The following GLS variants were observed in gnomAD, a reference collection of about 807,000 sequenced individuals.
The protein encoded by GLS is glutaminase.
Under a neutral mutation model 86.7 loss-of-function variants are expected in GLS, and 36 were observed. That is an observed-to-expected ratio of 0.42 (90% CI 0.32 to 0.55). The LOEUF (loss-of-function observed/expected upper bound fraction) is 0.55, where lower values mean the gene tolerates loss of function less well. Ranked by LOEUF, GLS falls within the 20% of genes least tolerant of loss-of-function variation. GLS has a pLI of 0.17. For synonymous variants in GLS, 317 were observed against 305.9 expected (o/e 1.04, Z -0.38); for missense variants, 528 against 833.4 (o/e 0.63, Z 4.51).
rs755160834 is a variant in GLS, at chr2:190,914,216, A to G, written c.1038+3895A>G. On this transcript the variant is annotated intron_variant, in intron 7 of 17. Coordinates refer to ENST00000320717, the MANE Select transcript of GLS (RefSeq NM_014905.5). The surrounding 1 kb of genome is among the most constrained non-coding windows in gnomAD (Gnocchi z 4.4). ...TTTCTTTCTCTTTAAACAATTTGTAATCATACTCATTGAAAATCAAGACAA... is the reference window on the plus strand; with the variant it reads ...TTTCTTTCTCTTTAAACAATTTGTAGTCATACTCATTGAAAATCAAGACAA... Among the ~76,000 whole-genome samples, 2 of 152,076 alleles carry G rather than the reference A, an allele frequency of 1.3e-5. No individual in the cohort carries two copies. Among genetic ancestry groups the G allele is most frequent in the Non-Finnish European group, 2.9e-5 (2 of 68,028 alleles).
chr2:190,931,431 G>A (rs1415691149), intron 13 of GLS, 114 bp from the exon 14 acceptor site: 4 of 486,360 alleles, frequency 8.2e-6, no homozygotes, highest in Non-Finnish European at 1.5e-5. Flanking sequence ...TACTTTATTA[G>A]CATGTAGTGA....
At chr2:190,957,694 T>C (rs1304108714) in intron 17 of GLS, among the ~76,000 whole-genome samples, 1 of 152,252 alleles carries the variant, frequency 6.6e-6, no homozygotes, top group Non-Finnish European at 1.5e-5. Flanking sequence ...GTTCTGTTTA[T>C]GTGATGGATT....
chr2:190,926,320 G>A (rs1025664537), intron 11 of GLS, among the ~76,000 whole-genome samples: 3 of 152,232 alleles, frequency 2.0e-5, no homozygotes, highest in Admixed American at 2.0e-4. Context: ...CGATTCTGTC[G>A]TTTTTGAGAA....
intron 14 of GLS, among the ~76,000 whole-genome samples, chr2:190,952,093 T>C (rs1187025654): frequency 2.0e-5 from 3 of 152,180 alleles, no homozygotes; most frequent in African/African-American, 7.2e-5. Flanking sequence ...ATGTATCGGA[T>C]TGAGGTGTAG....
chr2:190,907,146 G>A (rs1431947721), intron 6 of GLS, among the ~76,000 whole-genome samples: 3 of 151,972 alleles, frequency 2.0e-5, no homozygotes, highest in South Asian at 4.2e-4. Context: ...GGATGGTCTC[G>A]ATCTCCTGAC....
intron 7 of GLS, among the ~76,000 whole-genome samples, chr2:190,918,205 A>G (rs1005386796): frequency 6.6e-6 from 1 of 152,220 alleles, no homozygotes; most frequent in African/African-American, 2.4e-5. Context: ...TCATCTTTCA[A>G]TAAAAGGCTG....
In GLS at chr2:190,913,503, G is replaced by A; in HGVS notation, c.1038+3182G>A. 1 of 987,198 alleles carries A rather than the reference G, an allele frequency of 1.0e-6. No homozygotes were observed. Among genetic ancestry groups the A allele is most frequent in the African/African-American group, 1.8e-5 (1 of 56,968 alleles). 61.2% of individuals were successfully genotyped at this position (987,198 alleles called of 1,614,324 possible). A position where few individuals can be genotyped will look rare whatever the true frequency, so the allele number is the denominator to read the frequency against. Reference sequence around the variant, plus strand: ...AAAGGAATACTTTTTGTTGTAATCTGTTTTATTTGGGATTGTGATAATGTG... The same window carrying A: ...AAAGGAATACTTTTTGTTGTAATCTATTTTATTTGGGATTGTGATAATGTG... On this transcript the variant is annotated intron_variant, in intron 7 of 17. Coordinates refer to ENST00000320717, the MANE Select transcript of GLS (RefSeq NM_014905.5). The surrounding 1 kb of genome is among the most constrained non-coding windows in gnomAD (Gnocchi z 6.1).
Position 190,880,902 on chromosome 2 carries a change from A to AGCAGCAGCAGCAGCACCC in GLS, c.-168_-167insCCCGCAGCAGCAGCAGCA, listed in dbSNP as rs1553572189. 8.3e-5 allele frequency: 75 copies of AGCAGCAGCAGCAGCACCC among 904,110 alleles called. 10 individuals carry two copies. The highest frequency in any genetic ancestry group is 1.2e-4 in the Non-Finnish European group (72 of 588,378). 56.0% of individuals were successfully genotyped at this position (904,110 alleles called of 1,614,324 possible). On this transcript the variant is annotated 5_prime_UTR_variant, in exon 1 of 18. Transcript: ENST00000320717. Reference sequence around the variant, plus strand: ...CAGCAGCAGCAGCAGCAGCAGCAGCAGCAGCAGCAGCAGCAGCACCCGCAT... The same window carrying AGCAGCAGCAGCAGCACCC: ...CAGCAGCAGCAGCAGCAGCAGCAGCAGCAGCAGCAGCAGCACCCGCAGCAGCAGCAGCAGCACCCGCAT...
intron 1 of GLS, 160 bp downstream of exon 1, chr2:190,881,630 CCGG>C: frequency 1.6e-6 from 1 of 628,778 alleles, no homozygotes; most frequent in Non-Finnish European, 2.5e-6. Context: ...GTGATTAGGC[CCGG>C]CCCCGCCCGC....
chr2:190,922,371 G>T (rs1415188723), intron 9 of GLS, among the ~76,000 whole-genome samples: 1 of 152,050 alleles, frequency 6.6e-6, no homozygotes. Flanking sequence ...CATTTCAGGG[G>T]TAAACATTTT....
chr2:190,957,424 G>A (rs1690886974), intron 17 of GLS, among the ~76,000 whole-genome samples: 1 of 152,158 alleles, frequency 6.6e-6, no homozygotes, highest in Non-Finnish European at 1.5e-5. Flanking sequence ...GATTGTCCTA[G>A]CCAGAACTGC....
chr2:190,900,841 T>G, intron 4 of GLS, 148 bp downstream of exon 4: 1 of 503,884 alleles, frequency 2.0e-6, no homozygotes, highest in Non-Finnish European at 3.5e-6. Context: ...GCCACTGGAT[T>G]TAGTGTTTTT....
chr2:190,894,662 C>T (rs1159991629), intron 1 of GLS, among the ~76,000 whole-genome samples: 2 of 152,162 alleles, frequency 1.3e-5, no homozygotes, highest in Admixed American at 6.5e-5. Flanking sequence ...AGAACTTGTG[C>T]ACTTGATCTT....
intron 7 of GLS, among the ~76,000 whole-genome samples, chr2:190,916,959 G>C (rs1036063441): frequency 6.6e-6 from 1 of 152,218 alleles, no homozygotes; most frequent in Non-Finnish European, 1.5e-5. Context: ...GGAAGGTCTT[G>C]TCTTGATGTT....
chr2:190,907,243 G>GTTTT (rs57623604), intron 6 of GLS, among the ~76,000 whole-genome samples: 1 of 135,144 alleles, frequency 7.4e-6, no homozygotes, highest in Non-Finnish European at 1.6e-5. Flanking sequence ...AATAACAGTA[G>GTTTT]TTTTTTTTTT....
At chr2:190,904,185 C>T (rs1689050295) in intron 5 of GLS, among the ~76,000 whole-genome samples, 1 of 151,494 alleles carries the variant, frequency 6.6e-6, no homozygotes, top group South Asian at 2.1e-4. Flanking sequence ...GTGGATGTGG[C>T]TTGCAATATG....
intron 1 of GLS, chr2:190,881,717 G>T: frequency 2.2e-6 from 1 of 451,476 alleles, no homozygotes; most frequent in South Asian, 2.9e-5. Context: ...GCCCTGGTGG[G>T]GCCGCGGTGG....
intron 7 of GLS, among the ~76,000 whole-genome samples, chr2:190,910,576 ATTTAAAGTC>A (rs1458168531): frequency 7.3e-5 from 11 of 149,884 alleles, no homozygotes; most frequent in African/African-American, 2.4e-4. Context: ...TCTGGAAAAT[ATTTAAAGTC>A]TGCTGAAGAA....
intron 1 of GLS, among the ~76,000 whole-genome samples, chr2:190,892,125 T>C (rs1688584215): frequency 6.6e-6 from 1 of 152,236 alleles, no homozygotes. Flanking sequence ...TCTAACATGA[T>C]GTCATACATG....
Sources: allele counts gnomAD v4.1 joint callset (sites outside exome capture counted in the v4.1 genomes callset), GRCh38; gene constraint gnomAD v4.1.1; non-coding constraint Gnocchi (gnomAD v3.1); transcripts MANE v1.5; gene names NCBI Gene and HGNC (gene_info 2026-07-23, HGNC 2026-07-21).